The following MTUS2 variants were observed in gnomAD, a reference collection of about 807,000 sequenced individuals.
MTUS2 encodes microtubule associated scaffold protein 2.
MTUS2 carries 40 observed loss-of-function variants against 114.1 expected under a neutral mutation model. That is an observed-to-expected ratio of 0.35 (90% confidence interval 0.27 to 0.46). MTUS2 has a LOEUF of 0.46. Ranked by LOEUF, MTUS2 falls within the 20% of genes least tolerant of loss-of-function variation. MTUS2 has a pLI of 1.00. For synonymous variants in MTUS2, 688 were observed against 672.0 expected (o/e 1.02, Z -0.37); for missense variants, 1,679 against 1,705.4 (o/e 0.98, Z 0.27).
chr13:28,909,614 G>C lies in MTUS2; in HGVS notation c.-243+69764G>C, dbSNP rs1421521332. On this transcript the variant is annotated intron_variant, in intron 2 of 15. Coordinates refer to ENST00000612955, the MANE Select transcript of MTUS2 (RefSeq NM_001033602.4). The stretch of plus-strand genomic sequence containing the variant: ...ACTGGAAGCATTCCCTTTGAAAAGT[G>C]GCACAAGACAGGGATGCCCTCTGTC... Among the ~76,000 whole-genome samples the C allele has an allele frequency of 2.0e-5, 3 of 152,168 alleles. 1 individual carries two copies. The highest frequency in any genetic ancestry group is 2.0e-4 in the Admixed American group (3 of 15,256).
chr13:28,891,432 TACAC>T (rs374479399), intron 2 of MTUS2, among the ~76,000 whole-genome samples: 2 of 152,188 alleles, frequency 1.3e-5, no homozygotes, highest in East Asian at 3.9e-4. Flanking sequence ...CAAAAAATCA[TACAC>T]ACACATATTG....
chr13:29,209,326 G>A (rs1331755019), intron 5 of MTUS2, among the ~76,000 whole-genome samples: 2 of 152,016 alleles, frequency 1.3e-5, no homozygotes, highest in East Asian at 1.9e-4. Context: ...TATGTTGTTT[G>A]GTGAGTCTCT....
chr13:29,271,425 T>G (rs1010374847), intron 5 of MTUS2, among the ~76,000 whole-genome samples: 1 of 152,244 alleles, frequency 6.6e-6, no homozygotes, highest in African/African-American at 2.4e-5. Flanking sequence ...GGGTCTTTAC[T>G]CATGCCATCC....
intron 2 of MTUS2, among the ~76,000 whole-genome samples, chr13:28,981,737 C>G (rs1407930716): frequency 6.6e-6 from 1 of 152,148 alleles, no homozygotes; most frequent in Admixed American, 6.5e-5. Context: ...GTGCCACTTG[C>G]ACTTTTCTAG....
intron 2 of MTUS2, among the ~76,000 whole-genome samples, chr13:28,862,156 A>G (rs1193727453): frequency 6.6e-6 from 1 of 152,212 alleles, no homozygotes; most frequent in Non-Finnish European, 1.5e-5. Flanking sequence ...GCACAGATCA[A>G]TCTGAATGGG....
In MTUS2 at chr13:29,190,440, G is replaced by T. The variant is rs112996350; in HGVS notation, c.2644+89470G>T. ...TGGTGGAGCTGGGATGCACACCCAG[G>T]TCGCCTGGCTCTGGAACTGGTAGCC... On this transcript the variant is annotated intron_variant, in intron 5 of 15. Coordinates refer to ENST00000612955, the MANE Select transcript of MTUS2 (RefSeq NM_001033602.4). Among the ~76,000 whole-genome samples, 555 of 152,320 alleles carry T rather than the reference G, an allele frequency of 3.6e-3. 11 individuals carry two copies. Among genetic ancestry groups the T allele is most frequent in the Non-Finnish European group, 5.6e-3 (378 of 68,032 alleles).
At chr13:28,859,160 ACAG>A (rs1419189631) in intron 2 of MTUS2, among the ~76,000 whole-genome samples, 1 of 152,138 alleles carries the variant, frequency 6.6e-6, no homozygotes, top group African/African-American at 2.4e-5. Context: ...GCTGCATTTT[ACAG>A]AAGGAGAAGT....
chr13:29,070,357 A>G (rs1238880724), intron 4 of MTUS2, among the ~76,000 whole-genome samples: 1 of 152,198 alleles, frequency 6.6e-6, no homozygotes, highest in Non-Finnish European at 1.5e-5. Flanking sequence ...AAAGAAAGCA[A>G]ACTTGCAGAA....
chr13:29,410,768 A>G (rs1391237139), intron 8 of MTUS2, among the ~76,000 whole-genome samples: 1 of 152,008 alleles, frequency 6.6e-6, no homozygotes, highest in African/African-American at 2.4e-5. Flanking sequence ...TTTTTATTGC[A>G]TAGTTTTTTT....
chr13:29,348,541 T>C (rs1268323228), intron 7 of MTUS2, among the ~76,000 whole-genome samples: 9 of 152,324 alleles, frequency 5.9e-5, no homozygotes, highest in Admixed American at 3.3e-4. Flanking sequence ...TCTGCTGTTG[T>C]TATGTGGAAT....
At chr13:29,189,932 C>A (rs1894378568) in intron 5 of MTUS2, among the ~76,000 whole-genome samples, 1 of 152,114 alleles carries the variant, frequency 6.6e-6, no homozygotes, top group Non-Finnish European at 1.5e-5. Flanking sequence ...ATTAGGAGAT[C>A]ATGAGGGTAG....
chr13:28,833,583 A>T (rs1190179401), intron 1 of MTUS2, among the ~76,000 whole-genome samples: 2 of 152,172 alleles, frequency 1.3e-5, no homozygotes, highest in Admixed American at 1.3e-4. Flanking sequence ...AAGGGAATCT[A>T]TGAAAAACCC....
At chr13:28,864,637 T>C (rs2138078144) in intron 2 of MTUS2, among the ~76,000 whole-genome samples, 1 of 152,348 alleles carries the variant, frequency 6.6e-6, no homozygotes, top group East Asian at 1.9e-4. Context: ...AGACTGTGCT[T>C]GATCAAGAAG....
At position 29,105,663 on chromosome 13, in the gene MTUS2, T is replaced by G. The variant is rs9508280; in HGVS notation, c.2644+4693T>G. ...GTTTTTCTCCTGTTTTTTTCTTTTT[T>G]TCCTGGTGCACAGAAGTATTCAGAT... On this transcript the variant is annotated intron_variant, in intron 5 of 15. Transcript: ENST00000612955. Among the ~76,000 whole-genome samples the G allele has an allele frequency of 1.0e-3, 147 of 140,318 alleles. 2 individuals are homozygous for G. In the Middle Eastern group the frequency reaches 0.011, roughly 11 times the overall value. The allele number at this position is 140,318 out of a possible 152,430, so 92.1% of individuals were successfully genotyped here. A position where few individuals can be genotyped will look rare whatever the true frequency, so the allele number is the denominator to read the frequency against.
rs554715099 is a variant in MTUS2 at position 29,346,973 on chromosome 13, G to A, written c.2906-12289G>A. 3.6e-3 allele frequency among the ~76,000 whole-genome samples: 541 copies of A among 151,546 alleles called. 2 individuals are homozygous for A. Among genetic ancestry groups the A allele is most frequent in the African/African-American group, 0.013 (519 of 41,316 alleles). On this transcript the variant is annotated intron_variant, in intron 7 of 15. Coordinates refer to ENST00000612955, the MANE Select transcript of MTUS2 (RefSeq NM_001033602.4). ...TGAGGATGTGTGTTTGGGGGCAGTC[G>A]TTCCCCTTTCACACTTTAGACACTC...
intron 8 of MTUS2, among the ~76,000 whole-genome samples, chr13:29,367,847 C>G (rs915700088): frequency 4.0e-5 from 6 of 151,768 alleles, no homozygotes; most frequent in Non-Finnish European, 8.8e-5. Context: ...CGGAACTGTA[C>G]ATTGTATGCA....
chr13:29,097,455 T>C (rs1320339491), intron 4 of MTUS2, among the ~76,000 whole-genome samples: 1 of 152,214 alleles, frequency 6.6e-6, no homozygotes, highest in African/African-American at 2.4e-5. Context: ...ATTTGTTTAT[T>C]GAAGGCTTAT....
At chr13:29,218,511 A>G (rs886191013) in intron 5 of MTUS2, among the ~76,000 whole-genome samples, 5 of 152,202 alleles carry the variant, frequency 3.3e-5, no homozygotes, top group Non-Finnish European at 5.9e-5. Context: ...TAGGTTTTCA[A>G]TTTACTTTGC....
In MTUS2 at chr13:29,025,429, C is replaced by T. The variant is rs752120176; in HGVS notation, c.731C>T (p.Pro244Leu). 2 of 1,612,442 alleles carry T rather than the reference C, an allele frequency of 1.2e-6. No homozygotes were observed. Among genetic ancestry groups the T allele is most frequent in the Non-Finnish European group, 8.5e-7 (1 of 1,179,350 alleles). Reference protein sequence around the residue: ...STSEGKSVRHPKPSTSESKQS... With the variant: ...STSEGKSVRHLKPSTSESKQS... Reference sequence around the variant, plus strand: ...TCAGAGGGAAAGAGTGTGCGTCATCCTAAACCATCTACCTCAGAAAGCAAG... The same window carrying T: ...TCAGAGGGAAAGAGTGTGCGTCATCTTAAACCATCTACCTCAGAAAGCAAG... The change falls in exon 3 of 16, where the codon CCT becomes CTT. Residue 244 changes from proline (P) to leucine (L), a missense_variant. Coordinates refer to ENST00000612955, the MANE Select transcript of MTUS2 (RefSeq NM_001033602.4).
Sources: allele counts gnomAD v4.1 joint callset (sites outside exome capture counted in the v4.1 genomes callset), GRCh38; gene constraint gnomAD v4.1.1; transcripts MANE v1.5; gene names NCBI Gene and HGNC (gene_info 2026-07-23, HGNC 2026-07-21).